The following WT1 variants were observed in gnomAD, a reference collection of about 807,000 sequenced individuals.
The protein encoded by WT1 is Wilms tumor protein.
Under a neutral mutation model 60.8 loss-of-function variants are expected in WT1, and 8 were observed. The observed-to-expected ratio is 0.13, with a 90% CI of 0.08 to 0.24. The LOEUF (loss-of-function observed/expected upper bound fraction) is 0.24, where lower values mean the gene tolerates loss of function less well. Among genes scored for constraint, WT1 ranks in the 10% least tolerant of loss-of-function variants. The pLI, the probability that WT1 is intolerant of heterozygous loss-of-function variation, is 1.00. For synonymous variants in WT1, 312 were observed against 297.1 expected (o/e 1.05, Z -0.52); for missense variants, 568 against 711.8 (o/e 0.80, Z 2.30).
chr11:32,432,060 G>C (rs1008841490), intron 1 of WT1, among the ~76,000 whole-genome samples: 1 of 152,218 alleles, frequency 6.6e-6, no homozygotes, highest in Non-Finnish European at 1.5e-5. Flanking sequence ...AGAACCCAGT[G>C]CCTGACCAAG....
intron 8 of WT1, 59 bp from the exon 9 acceptor site, chr11:32,392,123 C>T (rs2132916007): frequency 6.7e-7 from 1 of 1,499,912 alleles, no homozygotes; most frequent in Admixed American, 1.7e-5. Flanking sequence ...GTGAGGCCCA[C>T]AAGGCTGACT....
chr11:32,410,657 A>G (rs1223944083), intron 5 of WT1, among the ~76,000 whole-genome samples: 1 of 152,248 alleles, frequency 6.6e-6, no homozygotes, highest in African/African-American at 2.4e-5. Context: ...ATTTTTTAAA[A>G]AATGATAAGC....
chr11:32,426,828 T>G (rs1278445979), intron 3 of WT1, among the ~76,000 whole-genome samples: 1 of 152,056 alleles, frequency 6.6e-6, no homozygotes, highest in Non-Finnish European at 1.5e-5. Flanking sequence ...CTCACTCTCG[T>G]AAAGGCAGCA....
intron 3 of WT1, among the ~76,000 whole-genome samples, chr11:32,427,731 A>G (rs1317664295): frequency 2.0e-5 from 3 of 152,238 alleles, no homozygotes; most frequent in East Asian, 1.9e-4. Flanking sequence ...TCAGCTCGAA[A>G]GAGTAATTGT....
At chr11:32,394,777 A>G (rs1851917746) in intron 7 of WT1, among the ~76,000 whole-genome samples, 1 of 152,248 alleles carries the variant, frequency 6.6e-6, no homozygotes, top group South Asian at 2.1e-4. Flanking sequence ...AGAGTTTCTT[A>G]AAGGCTCCAG....
chr11:32,433,739 G>T (rs1853386353), intron 1 of WT1, among the ~76,000 whole-genome samples: 1 of 152,224 alleles, frequency 6.6e-6, no homozygotes, highest in African/African-American at 2.4e-5. Flanking sequence ...AGGTGGGCGG[G>T]CATCGGCGCG....
chr11:32,402,220 T>C (rs985525998), intron 5 of WT1, among the ~76,000 whole-genome samples: 2 of 152,218 alleles, frequency 1.3e-5, no homozygotes, highest in African/African-American at 4.8e-5. Context: ...TTTTGACTTA[T>C]CTAGGGCAGG....
chr11:32,417,278 A>G, intron 4 of WT1: 1 of 409,368 alleles, frequency 2.4e-6, no homozygotes, highest in Non-Finnish European at 4.5e-6. Flanking sequence ...TCATAGTAAA[A>G]CACAATTATT....
chr11:32,422,503 A>G (rs1383521049), intron 3 of WT1, among the ~76,000 whole-genome samples: 1 of 152,254 alleles, frequency 6.6e-6, no homozygotes, highest in Non-Finnish European at 1.5e-5. Flanking sequence ...ATAGGTACAC[A>G]AGTGAAAAGA....
Position 32,435,259 on chromosome 11 carries a change from C to A in WT1, c.102G>T (p.Glu34Asp). 6.5e-7 allele frequency: 1 copy of A among 1,535,758 alleles called. No homozygotes were observed. The highest frequency in any genetic ancestry group is 1.2e-5 in the South Asian group (1 of 84,134). Reference sequence around the variant, plus strand: ...CGCCCGGGTCCCGGACTCCCTGCTGCTCTGGCTGCTGTAGGCACCCAGGCC... The same window carrying A: ...CGCCCGGGTCCCGGACTCCCTGCTGATCTGGCTGCTGTAGGCACCCAGGCC... The change falls in exon 1 of 10, where the codon GAG (glutamate) becomes GAT (aspartate). Residue 34 changes from glutamate (E) to aspartate (D), a missense_variant. Glu to Asp is a conservative substitution (Grantham distance 45). Coordinates refer to ENST00000452863, the MANE Select transcript of WT1 (RefSeq NM_024426.6).
rs10690035 is a variant in WT1 at position 32,424,160 on chromosome 11, C to CAAAAAA, written c.887+3790_887+3795dup. On this transcript the variant is annotated intron_variant, in intron 3 of 9. Coordinates refer to ENST00000452863, the MANE Select transcript of WT1 (RefSeq NM_024426.6). ...CTTGCAACAGAGCGAGATGCCATCT[C>CAAAAAA]AAAAAAAAAAAAAAAAAAAAGTGAT... 6.5e-4 allele frequency among the ~76,000 whole-genome samples: 60 copies of CAAAAAA among 92,188 alleles called. 1 individual carries two copies. Among genetic ancestry groups the CAAAAAA allele is most frequent in the African/African-American group, 1.7e-3 (38 of 22,386 alleles). 60.5% of individuals were successfully genotyped at this position (92,188 alleles called of 152,430 possible).
At position 32,435,424 on chromosome 11, in the gene WT1, G is replaced by A; in HGVS notation, c.-64C>T. 1.0e-5 allele frequency: 4 copies of A among 385,400 alleles called. No individual in the cohort carries two copies. Among genetic ancestry groups the A allele is most frequent in the South Asian group, 1.9e-5 (1 of 51,670 alleles). 23.9% of individuals were successfully genotyped at this position (385,400 alleles called of 1,614,324 possible). On this transcript the variant is annotated 5_prime_UTR_variant, in exon 1 of 10. Transcript: ENST00000452863. ...CTGCCGTCCCGGCTCTGGGTGGGTG[G>A]GTGGGTGAATGAGTAGGTGGGAGGG...
At chr11:32,430,740 G>GC in intron 1 of WT1, 1 of 1,342,364 alleles carries the variant, frequency 7.4e-7, no homozygotes, top group Non-Finnish European at 9.5e-7. Flanking sequence ...GACCGGACAC[G>GC]CAGACCTCGG....
At chr11:32,431,136 C>T (rs1853294703) in intron 1 of WT1, among the ~76,000 whole-genome samples, 1 of 152,116 alleles carries the variant, frequency 6.6e-6, no homozygotes, top group Non-Finnish European at 1.5e-5. Flanking sequence ...GCAGAGAAGC[C>T]GGGAACCGCC....
rs886048240 is a variant in WT1 at position 32,435,462 on chromosome 11, G to T, written c.-102C>A. Reference sequence around the variant, plus strand: ...GTAGGTGGGAGGGAGGGCGGGAAGTGGGGGAGCGGACAGGCGGTCGGGTTG... The same window carrying T: ...GTAGGTGGGAGGGAGGGCGGGAAGTTGGGGAGCGGACAGGCGGTCGGGTTG... On this transcript the variant is annotated 5_prime_UTR_variant, in exon 1 of 10. Coordinates refer to ENST00000452863, the MANE Select transcript of WT1 (RefSeq NM_024426.6). The T allele has an allele frequency of 1.4e-6, 2 of 1,423,448 alleles. No individual in the cohort carries two copies. Among genetic ancestry groups the T allele is most frequent in the Admixed American group, 2.1e-5 (1 of 47,168 alleles). The allele number at this position is 1,423,448 out of a possible 1,614,324, so 88.2% of individuals were successfully genotyped here.
intron 5 of WT1, among the ~76,000 whole-genome samples, chr11:32,405,942 C>CT (rs1313077442): frequency 6.6e-6 from 1 of 152,150 alleles, no homozygotes; most frequent in Non-Finnish European, 1.5e-5. Flanking sequence ...TACAGGTTCA[C>CT]TTTTATCATC....
rs1348616539 is a variant in WT1 at position 32,398,201 on chromosome 11, G to C, written c.1113+1747C>G. Among the ~76,000 whole-genome samples, 4 of 152,112 alleles carry C rather than the reference G, an allele frequency of 2.6e-5. No homozygotes were observed. In the East Asian group the frequency reaches 7.7e-4, roughly 29 times the overall value. The stretch of plus-strand genomic sequence containing the variant: ...CTGTTCTTTCTTCGTGACACTTCTG[G>C]AAACATTAATCAGAACATCTCAGAG... On this transcript the variant is annotated intron_variant, in intron 6 of 9. Coordinates refer to ENST00000452863, the MANE Select transcript of WT1 (RefSeq NM_024426.6).
chr11:32,398,543 C>A (rs1852044244), intron 6 of WT1, among the ~76,000 whole-genome samples: 1 of 152,184 alleles, frequency 6.6e-6, no homozygotes, highest in Non-Finnish European at 1.5e-5. Context: ...TGTTCACCAT[C>A]CTCTGCCTCC....
At chr11:32,400,295 G>T (rs5030259) in intron 5 of WT1, 466 of 563,414 alleles carry the variant, frequency 8.3e-4, no homozygotes, top group African/African-American at 8.1e-3. Flanking sequence ...CACGGTCTAG[G>T]TCTCGCTCAG....
Sources: allele counts gnomAD v4.1 joint callset (sites outside exome capture counted in the v4.1 genomes callset), GRCh38; gene constraint gnomAD v4.1.1; transcripts MANE v1.5; gene names NCBI Gene and HGNC (gene_info 2026-07-23, HGNC 2026-07-21).